Variants in SPAG16 observed in about 807,000 individuals in gnomAD.
The protein encoded by SPAG16 is sperm-associated antigen 16 protein.
SPAG16 carries 86 observed loss-of-function variants against 80.4 expected under a neutral mutation model. That is an observed-to-expected ratio of 1.07 (90% confidence interval 0.90 to 1.28). The LOEUF is 1.28. Among genes scored for constraint, SPAG16 ranks in the 50% most tolerant of loss-of-function variants. The probability of loss-of-function intolerance (pLI) is 0.00; values close to 1 mark genes in which losing one functional copy is unlikely to be tolerated. For missense variants in SPAG16, 870 were observed against 765.3 expected, an observed-to-expected ratio of 1.14 and a Z score of -1.61; for synonymous variants, 294 against 265.9, an observed-to-expected ratio of 1.11 and a Z score of -1.03.
chr2:214,365,667 C>T (rs1215915923), intron 15 of SPAG16, among the ~76,000 whole-genome samples: 2 of 152,104 alleles, frequency 1.3e-5, no homozygotes, highest in Non-Finnish European at 2.9e-5. Flanking sequence ...GACTGATGCT[C>T]ATTTCCTATA....
At chr2:213,759,325 A>G in intron 10 of SPAG16, among the ~76,000 whole-genome samples, 1 of 144,640 alleles carries the variant, frequency 6.9e-6, no homozygotes, top group East Asian at 2.0e-4. Context: ...ATGCTTTAAG[A>G]GGTTAATATA....
chr2:213,381,095 G>T (rs1055504376), intron 9 of SPAG16, among the ~76,000 whole-genome samples: 2 of 53,556 alleles, frequency 3.7e-5, no homozygotes, highest in African/African-American at 5.4e-5. Context: ...CCGTAAAATA[G>T]ACTTATACCA....
chr2:213,906,490 A>T (rs12622627), intron 11 of SPAG16, among the ~76,000 whole-genome samples: 42,064 of 152,046 alleles, frequency 0.28, 6,039 homozygotes, highest in East Asian at 0.4. Flanking sequence ...TACCAATTAC[A>T]TTATTCACAG....
intron 1 of SPAG16, among the ~76,000 whole-genome samples, chr2:213,286,290 A>G (rs147264825): frequency 4.9e-4 from 75 of 152,240 alleles, no homozygotes; most frequent in South Asian, 1.7e-3. Context: ...ACTGACTGCT[A>G]TTTTGTATTT....
At chr2:213,656,441 G>A (rs1010216293) in intron 10 of SPAG16, among the ~76,000 whole-genome samples, 2 of 152,216 alleles carry the variant, frequency 1.3e-5, no homozygotes, top group Non-Finnish European at 2.9e-5. Context: ...TTACAGGCGT[G>A]AGCCACCGCA....
intron 10 of SPAG16, among the ~76,000 whole-genome samples, chr2:213,692,269 C>T (rs1666156192): frequency 1.3e-5 from 2 of 152,046 alleles, no homozygotes; most frequent in Non-Finnish European, 2.9e-5. Context: ...ATGTTCAATA[C>T]TTGGATTTGT....
At chr2:214,401,945 A>G (rs183839604) in intron 15 of SPAG16, among the ~76,000 whole-genome samples, 45 of 152,076 alleles carry the variant, frequency 3.0e-4, no homozygotes, top group African/African-American at 1.1e-3. Context: ...TGATAGATAT[A>G]ACATTTAATA....
At chr2:213,506,096 A>G (rs938319358) in intron 10 of SPAG16, among the ~76,000 whole-genome samples, 1 of 152,048 alleles carries the variant, frequency 6.6e-6, no homozygotes. Flanking sequence ...GGGTTAAGTT[A>G]CCTTCTAGAA....
chr2:214,371,719 C>T lies in SPAG16; in HGVS notation c.1721-38421C>T, dbSNP rs1410682826. ...TTTTTGAGACTGAGTCTCACTCAGT[C>T]GTCCAGGCTGGAGTGCAATGGCGTG... On this transcript the variant is annotated intron_variant, in intron 15 of 15. Transcript: ENST00000331683. 2.1e-5 allele frequency among the ~76,000 whole-genome samples: 3 copies of T among 144,796 alleles called. No homozygotes were observed. In the East Asian group the frequency reaches 6.2e-4, roughly 30 times the overall value. 95.0% of individuals were successfully genotyped at this position (144,796 alleles called of 152,430 possible).
intron 10 of SPAG16, among the ~76,000 whole-genome samples, chr2:213,600,110 T>C (rs2061012554): frequency 6.8e-6 from 1 of 147,972 alleles, no homozygotes; most frequent in Non-Finnish European, 1.5e-5. Context: ...ATACTTAAAA[T>C]TTTTTTCTCT....
At chr2:213,348,099 G>C (rs1038694861) in intron 6 of SPAG16, among the ~76,000 whole-genome samples, 1 of 152,162 alleles carries the variant, frequency 6.6e-6, no homozygotes, top group Non-Finnish European at 1.5e-5. Flanking sequence ...ATTTAGGATA[G>C]TTAGCTCTTG....
chr2:214,365,406 T>C (rs1464561153), intron 15 of SPAG16, among the ~76,000 whole-genome samples: 3 of 152,262 alleles, frequency 2.0e-5, no homozygotes, highest in Admixed American at 1.3e-4. Flanking sequence ...TTTTGACTGA[T>C]TGGAAGATGC....
chr2:214,086,018 T>A (rs1350517789), intron 13 of SPAG16, among the ~76,000 whole-genome samples: 1 of 152,236 alleles, frequency 6.6e-6, no homozygotes, highest in Non-Finnish European at 1.5e-5. Flanking sequence ...CCTTTTGAGA[T>A]TAAAATTTTA....
intron 10 of SPAG16, among the ~76,000 whole-genome samples, chr2:213,581,577 C>G (rs867083845): frequency 3.3e-5 from 5 of 152,054 alleles, no homozygotes; most frequent in Admixed American, 1.3e-4. Context: ...AATTGTTGCT[C>G]TCACTCTCAG....
chr2:213,426,645 G>T, intron 9 of SPAG16, among the ~76,000 whole-genome samples: 1 of 151,644 alleles, frequency 6.6e-6, no homozygotes, highest in East Asian at 1.9e-4. Context: ...TGCTTCTCTG[G>T]CTAGAAGGTA....
chr2:213,846,844 C>T lies in SPAG16; in HGVS notation c.1071-15641C>T, dbSNP rs75986282. Among the ~76,000 whole-genome samples, 1,345 of 152,270 alleles carry T rather than the reference C, an allele frequency of 8.8e-3. 24 individuals carry two copies. Among genetic ancestry groups the T allele is most frequent in the African/African-American group, 0.029 (1,223 of 41,558 alleles). On this transcript the variant is annotated intron_variant, in intron 10 of 15. Coordinates refer to ENST00000331683, the MANE Select transcript of SPAG16 (RefSeq NM_024532.5). ...TGTAGGTCAGAAATCTGTGCAGGCT[C>T]AATGGCTTCTGCTGCTTAGAATCTC...
intron 9 of SPAG16, among the ~76,000 whole-genome samples, chr2:213,436,997 C>T (rs536839911): frequency 6.6e-6 from 1 of 151,986 alleles, no homozygotes; most frequent in African/African-American, 2.4e-5. Context: ...CTGCAAGCTC[C>T]GCCTCCTGGG....
chr2:213,947,351 A>T (rs1254889343), intron 12 of SPAG16, among the ~76,000 whole-genome samples: 1 of 152,150 alleles, frequency 6.6e-6, no homozygotes, highest in Non-Finnish European at 1.5e-5. Flanking sequence ...CCTTATCAGC[A>T]TTTATTACTA....
At chr2:214,254,633 G>A (rs1412153799) in intron 15 of SPAG16, among the ~76,000 whole-genome samples, 1 of 151,942 alleles carries the variant, frequency 6.6e-6, no homozygotes, top group African/African-American at 2.4e-5. Flanking sequence ...AATGAAGACA[G>A]TTTCCCACTG....
Sources: allele counts gnomAD v4.1 joint callset (sites outside exome capture counted in the v4.1 genomes callset), GRCh38; gene constraint gnomAD v4.1.1; transcripts MANE v1.5; gene names NCBI Gene and HGNC (gene_info 2026-07-23, HGNC 2026-07-21).